Variants in RNF223 observed in about 807,000 individuals in gnomAD.
RNF223 encodes the protein ring finger protein 223.
In RNF223, 10 loss-of-function variants were observed where a neutral mutation model predicts 13.9. The ratio of observed to expected loss-of-function variants is 0.72; its 90% confidence interval spans 0.44 to 1.22. The LOEUF is 1.22. RNF223 is among the 50% of genes most tolerant of loss of function. The probability of loss-of-function intolerance (pLI) is 0.00; values close to 1 mark genes in which losing one functional copy is unlikely to be tolerated. For synonymous variants in RNF223, 168 were observed against 173.3 expected, an observed-to-expected ratio of 0.97 and a Z score of 0.24; for missense variants, 379 against 380.0, an observed-to-expected ratio of 1.00 and a Z score of 0.02.
chr1:1,072,238 G>T lies in RNF223; in HGVS notation c.329C>A (p.Ala110Asp), dbSNP rs988185072. Residue 110 changes from alanine to aspartate, a missense_variant, in exon 2 of 2, where the codon GCC (alanine) becomes GAC (aspartate). Transcript: ENST00000453464. ...FCRQPTAVPPAGAPALCTSRQ... is the reference protein window; with the variant it reads ...FCRQPTAVPPDGAPALCTSRQ... ...GCTGGTGCACAGCGCGGGGGCTCCG[G>T]CGGGCGGCACGGCCGTGGGCTGCCT... is the stretch of plus-strand genomic sequence containing the variant. 151 of 1,452,458 alleles carry T rather than the reference G, an allele frequency of 1.0e-4. No individual in the cohort carries two copies. Among genetic ancestry groups the T allele is most frequent in the Non-Finnish European group, 1.3e-4 (146 of 1,109,900 alleles). The allele number at this position is 1,452,458 out of a possible 1,614,324, so 90.0% of individuals were successfully genotyped here.
intron 1 of RNF223, among the ~76,000 whole-genome samples, chr1:1,073,360 A>T (rs1645657642): frequency 6.6e-6 from 1 of 152,144 alleles, no homozygotes; most frequent in South Asian, 2.1e-4. Context: ...CTAGCTGCTG[A>T]GGGTCTGATG....
At chr1:1,072,905 G>A (rs1052797373) in intron 1 of RNF223, among the ~76,000 whole-genome samples, 1 of 152,194 alleles carries the variant, frequency 6.6e-6, no homozygotes, top group African/African-American at 2.4e-5. Context: ...CCTGCTGCCC[G>A]GGCAGAAATA....
Sources: allele counts gnomAD v4.1 joint callset (sites outside exome capture counted in the v4.1 genomes callset), GRCh38; gene constraint gnomAD v4.1.1; transcripts MANE v1.5; gene names NCBI Gene and HGNC (gene_info 2026-07-23, HGNC 2026-07-21).